Variants in ASAP2 observed in about 807,000 individuals in gnomAD.
ASAP2 encodes ArfGAP with SH3 domain, ankyrin repeat and PH domain 2.
In ASAP2, 45 loss-of-function variants were observed where a neutral mutation model predicts 131.4. The observed-to-expected ratio is 0.34, with a 90% confidence interval of 0.27 to 0.44. The LOEUF is 0.44. Among genes scored for constraint, ASAP2 ranks in the 20% least tolerant of loss-of-function variants. The pLI, the probability that ASAP2 is intolerant of heterozygous loss-of-function variation, is 1.00. For synonymous variants in ASAP2, 510 were observed against 503.0 expected, an observed-to-expected ratio of 1.01 and a Z score of -0.19; for missense variants, 1,011 against 1,297.0, an observed-to-expected ratio of 0.78 and a Z score of 3.39.
intron 1 of ASAP2, among the ~76,000 whole-genome samples, chr2:9,227,589 G>A (rs1042134551): frequency 1.2e-4 from 18 of 152,236 alleles, no homozygotes; most frequent in Admixed American, 2.0e-4. Flanking sequence ...GAGGTTTAAC[G>A]GCTCTGTAAA....
rs938410167 is a variant in ASAP2 at position 9,392,576 on chromosome 2, G to C, written c.2519-906G>C. On this transcript the variant is annotated intron_variant, in intron 23 of 27. Coordinates refer to ENST00000281419, the MANE Select transcript of ASAP2 (RefSeq NM_003887.3). The surrounding 1 kb of genome is among the most constrained non-coding windows in gnomAD (Gnocchi z 4.0). ...GAACCACTTTCCTGCCTCTCCGTCTGGTGGTCCAGGGGCTGCATTTGTGTG... is the reference window on the plus strand; with the variant it reads ...GAACCACTTTCCTGCCTCTCCGTCTCGTGGTCCAGGGGCTGCATTTGTGTG... 6.6e-6 allele frequency among the ~76,000 whole-genome samples: 1 copy of C among 152,212 alleles called. No homozygotes were observed. Among genetic ancestry groups the C allele is most frequent in the East Asian group, 1.9e-4 (1 of 5,192 alleles).
chr2:9,397,749 TA>T (rs375283836), intron 24 of ASAP2, among the ~76,000 whole-genome samples: 925 of 71,034 alleles, frequency 0.013, 18 homozygotes, highest in Non-Finnish European at 0.018. Context: ...TATATATATA[TA>T]TTTTTTTTTT....
At chr2:9,384,098 C>T (rs1010951581) in intron 20 of ASAP2, among the ~76,000 whole-genome samples, 2 of 152,122 alleles carry the variant, frequency 1.3e-5, no homozygotes, top group African/African-American at 4.8e-5. Context: ...ACCAACATGG[C>T]ACATTTGTAC....
chr2:9,347,325 A>G (rs773629323), intron 11 of ASAP2, among the ~76,000 whole-genome samples: 3 of 152,134 alleles, frequency 2.0e-5, no homozygotes, highest in Non-Finnish European at 2.9e-5. Flanking sequence ...ACCCATACCA[A>G]GAAAGAGAAT....
chr2:9,314,462 AT>A lies in ASAP2; in HGVS notation c.346-4061del, dbSNP rs1669514468. Among the ~76,000 whole-genome samples, 5 of 152,330 alleles carry A rather than the reference AT, an allele frequency of 3.3e-5. 1 individual carries two copies. In the South Asian group the frequency reaches 1.0e-3, roughly 32 times the overall value. ...TTTCACATATTCGATGCCCAAAAAA[AT>A]ATTTCAGTATACTGATTTCTTCCAT... On this transcript the variant is annotated intron_variant, in intron 3 of 27. Coordinates refer to ENST00000281419, the MANE Select transcript of ASAP2 (RefSeq NM_003887.3).
At chr2:9,264,273 A>G (rs1473277133) in intron 1 of ASAP2, among the ~76,000 whole-genome samples, 1 of 152,012 alleles carries the variant, frequency 6.6e-6, no homozygotes, top group African/African-American at 2.4e-5. Flanking sequence ...GTGGGGAAGG[A>G]GGGAGGTATA....
intron 2 of ASAP2, among the ~76,000 whole-genome samples, chr2:9,283,503 G>A (rs563508005): frequency 2.4e-4 from 37 of 152,254 alleles, no homozygotes; most frequent in Admixed American, 2.2e-3. Context: ...AGGGGAAATC[G>A]GTGTCCTTTT....
At chr2:9,245,985 G>A (rs1664310789) in intron 1 of ASAP2, among the ~76,000 whole-genome samples, 1 of 152,220 alleles carries the variant, frequency 6.6e-6, no homozygotes, top group African/African-American at 2.4e-5. Flanking sequence ...ATACGATGGG[G>A]ATGGCTATCT....
At chr2:9,218,273 A>T (rs10195639) in intron 1 of ASAP2, among the ~76,000 whole-genome samples, 2 of 151,984 alleles carry the variant, frequency 1.3e-5, no homozygotes, top group Non-Finnish European at 2.9e-5. Context: ...CCCCATTGTC[A>T]CTGAATGTGA....
At chr2:9,340,783 G>C (rs1671525647) in intron 9 of ASAP2, among the ~76,000 whole-genome samples, 1 of 152,192 alleles carries the variant, frequency 6.6e-6, no homozygotes, top group South Asian at 2.1e-4. Context: ...GGATTCTACT[G>C]GTCATCTGGG....
chr2:9,272,958 G>A (rs1374808133), intron 1 of ASAP2, among the ~76,000 whole-genome samples: 1 of 152,140 alleles, frequency 6.6e-6, no homozygotes, highest in Non-Finnish European at 1.5e-5. Context: ...TAGCTCTATA[G>A]TATAATTTAA....
chr2:9,250,037 AT>A (rs1285783420), intron 1 of ASAP2, among the ~76,000 whole-genome samples: 2 of 152,198 alleles, frequency 1.3e-5, no homozygotes, highest in African/African-American at 4.8e-5. Flanking sequence ...TACTTGGAAT[AT>A]TTACTTACTC....
chr2:9,278,319 C>A (rs747239453), intron 1 of ASAP2, among the ~76,000 whole-genome samples: 1 of 152,018 alleles, frequency 6.6e-6, no homozygotes, highest in Non-Finnish European at 1.5e-5. Context: ...TTGAGACCAT[C>A]CTGTCTAACA....
At chr2:9,401,229 T>G (rs768378195) in intron 26 of ASAP2, 45 bp from the exon 27 acceptor site, 1 of 1,608,974 alleles carries the variant, frequency 6.2e-7, no homozygotes, top group East Asian at 2.2e-5. Context: ...CCCTGAGAGC[T>G]GAGGCCTGCA....
chr2:9,390,375 C>T (rs1675623616), intron 22 of ASAP2, among the ~76,000 whole-genome samples: 1 of 152,224 alleles, frequency 6.6e-6, no homozygotes, highest in African/African-American at 2.4e-5. Flanking sequence ...CTAGGCCTAG[C>T]CTTTGCCCTA....
At chr2:9,316,627 G>T (rs1020439296) in intron 3 of ASAP2, among the ~76,000 whole-genome samples, 21 of 152,254 alleles carry the variant, frequency 1.4e-4, no homozygotes, top group African/African-American at 4.8e-4. Flanking sequence ...TTTTCCACTT[G>T]AGGGAGGGAA....
intron 1 of ASAP2, among the ~76,000 whole-genome samples, chr2:9,276,108 GGCACAGGCATT>G (rs1366528301): frequency 2.6e-5 from 4 of 152,216 alleles, no homozygotes; most frequent in Admixed American, 2.6e-4. Context: ...ATTCCAAGAA[GGCACAGGCATT>G]GCCTTGTCCT....
chr2:9,356,058 T>TA lies in ASAP2; in HGVS notation c.1124dup (p.Tyr375Ter), dbSNP rs1385595444. The TA allele has an allele frequency of 6.2e-7, 1 of 1,614,054 alleles. No homozygotes were observed. Among genetic ancestry groups the TA allele is most frequent in the Non-Finnish European group, 8.5e-7 (1 of 1,180,054 alleles). The change falls in exon 13 of 28, where the codon TAC (tyrosine) becomes TAAC (stop). Residue 375 changes from tyrosine (Y) to a stop codon, truncating the protein, a stop_gained and frameshift_variant. Coordinates refer to ENST00000281419, the MANE Select transcript of ASAP2 (RefSeq NM_003887.3). LOFTEE classifies it high-confidence loss of function. Reference protein sequence around the residue: ...CFDLISHDRTYHFQAEDEQEC... With the variant: ...CFDLISHDRT ...CTCTTGCTATGCAGATGACAGAACT[T>TA]ACCACTTTCAAGCTGAAGATGAACA...
chr2:9,358,680 CTA>C, intron 14 of ASAP2, 74 bp from the exon 15 acceptor site: 1 of 1,523,370 alleles, frequency 6.6e-7, no homozygotes, highest in Non-Finnish European at 8.9e-7. Flanking sequence ...TGTTCAGTAA[CTA>C]TGCAGGAAGA....
Sources: gnomAD v4.1 joint callset for allele counts (sites outside exome capture counted in the v4.1 genomes callset) on GRCh38, gnomAD v4.1.1 for gene constraint, Gnocchi (gnomAD v3.1) non-coding constraint, MANE v1.5 for transcripts, NCBI Gene and HGNC (gene_info 2026-07-23, HGNC 2026-07-21) for gene names.